Variants in ABCA6 observed in about 807,000 individuals in gnomAD.
ABCA6 encodes ATP-binding cassette sub-family A member 6.
In ABCA6, 164 loss-of-function variants were observed where a neutral mutation model predicts 191.2. That is an observed-to-expected ratio of 0.86 (90% CI 0.76 to 0.98). The LOEUF (loss-of-function observed/expected upper bound fraction) is 0.98. Ranked by LOEUF, ABCA6 falls within the 50% of genes least tolerant of loss-of-function variation. The probability of loss-of-function intolerance (pLI) is 0.00; values close to 1 mark genes in which losing one functional copy is unlikely to be tolerated. For synonymous variants in ABCA6, 636 were observed against 647.7 expected (o/e 0.98, Z 0.27); for missense variants, 1,958 against 1,894.1 (o/e 1.03, Z -0.63).
Position 69,085,022 on chromosome 17 carries a change from C to CTGTACTT in ABCA6, c.4184+5_4184+6insAAGTACA, listed in dbSNP as rs754263525. 1 of 1,607,252 alleles carries CTGTACTT rather than the reference C, an allele frequency of 6.2e-7. No homozygotes were observed. The highest frequency in any genetic ancestry group is 8.5e-7 in the Non-Finnish European group (1 of 1,178,214). ...GACACAAAGGAATCGCAGGTCCCGT[C>CTGTACTT]TGTACCTTGCGATGGCGAGCCTCGC... On this transcript the variant is annotated splice_donor_region_variant and intron_variant, in intron 32 of 38. Coordinates refer to ENST00000284425, the MANE Select transcript of ABCA6 (RefSeq NM_080284.3).
chr17:69,131,681 G>A, intron 6 of ABCA6, among the ~76,000 whole-genome samples: 1 of 152,072 alleles, frequency 6.6e-6, no homozygotes, highest in East Asian at 1.9e-4. Flanking sequence ...CCACTAGATA[G>A]CCTGCACTTA....
rs533501897 is a variant in ABCA6 at position 69,097,402 on chromosome 17, A to C, written c.3120+518T>G. Among the ~76,000 whole-genome samples, 4 of 152,244 alleles carry C rather than the reference A, an allele frequency of 2.6e-5. No individual in the cohort carries two copies. In the South Asian group the frequency reaches 8.3e-4, roughly 32 times the overall value. ...TGAGACTCCATCTCAAAAAAAAAAA[A>C]AAAAAAGTATTATTTTGTGACCTGG... On this transcript the variant is annotated intron_variant, in intron 23 of 38. Transcript: ENST00000284425.
intron 3 of ABCA6, among the ~76,000 whole-genome samples, chr17:69,136,695 C>A (rs954753757): frequency 2.6e-5 from 4 of 152,120 alleles, no homozygotes; most frequent in Non-Finnish European, 5.9e-5. Context: ...CCAGGAATTT[C>A]ACTTGTCAGG....
At chr17:69,130,136 T>C (rs1486842116) in intron 6 of ABCA6, among the ~76,000 whole-genome samples, 1 of 151,884 alleles carries the variant, frequency 6.6e-6, no homozygotes, top group Non-Finnish European at 1.5e-5. Context: ...ACCAACATGG[T>C]GAAACCCGTC....
At chr17:69,131,645 T>TA (rs2073863887) in intron 6 of ABCA6, among the ~76,000 whole-genome samples, 1 of 152,188 alleles carries the variant, frequency 6.6e-6, no homozygotes, top group Non-Finnish European at 1.5e-5. Flanking sequence ...ATTACATTGG[T>TA]AAAAAAATTG....
Position 69,106,184 on chromosome 17 carries a change from T to C in ABCA6, c.2417A>G (p.Asp806Gly), listed in dbSNP as rs950332106. 1.2e-6 allele frequency: 2 copies of C among 1,612,176 alleles called. No homozygotes were observed. Among genetic ancestry groups the C allele is most frequent in the African/African-American group, 2.7e-5 (2 of 74,750 alleles). The change falls in exon 19 of 39, where the codon GAC becomes GGC. Residue 806 changes from aspartate (D) to glycine (G), a missense_variant. By Grantham distance (94) the Asp-to-Gly change is moderately conservative (BLOSUM62 -1). Coordinates refer to ENST00000284425, the MANE Select transcript of ABCA6 (RefSeq NM_080284.3). ...QDFEQVEMIRDSESLNEMELA... is the reference protein window; with the variant it reads ...QDFEQVEMIRGSESLNEMELA... Reference sequence around the variant, plus strand: ...CTCCATTTCATTGAGGCTTTCTGAGTCTCTTATCATCTCCACTTGTTCGAA... The same window carrying C: ...CTCCATTTCATTGAGGCTTTCTGAGCCTCTTATCATCTCCACTTGTTCGAA...
In ABCA6 at chr17:69,113,372, G is replaced by T; in HGVS notation, c.1903-12C>A. The T allele has an allele frequency of 6.3e-7, 1 of 1,585,004 alleles. No individual in the cohort carries two copies. The highest frequency in any genetic ancestry group is 2.0e-5 in the Admixed American group (1 of 49,716). On this transcript the variant is annotated splice_polypyrimidine_tract_variant and intron_variant, in intron 14 of 38. Coordinates refer to ENST00000284425, the MANE Select transcript of ABCA6 (RefSeq NM_080284.3). Reference sequence around the variant, plus strand: ...TCTAAAAGCAAAATCTACAGAGAATGAAGATATATAAAATATGTCTCTCTT... The same window carrying T: ...TCTAAAAGCAAAATCTACAGAGAATTAAGATATATAAAATATGTCTCTCTT...
chr17:69,114,698 C>A, intron 13 of ABCA6, 64 bp downstream of exon 13: 1 of 1,435,220 alleles, frequency 7.0e-7, no homozygotes. Context: ...GAAGAGAATT[C>A]TGTGGTCATG....
chr17:69,105,843 C>T (rs2073289241), intron 19 of ABCA6, 185 bp downstream of exon 19: 1 of 746,250 alleles, frequency 1.3e-6, no homozygotes, highest in Non-Finnish European at 2.1e-6. Context: ...CAAAACACAC[C>T]TGCACGTATA....
Position 69,081,094 on chromosome 17 carries a change from T to C in ABCA6, c.4668A>G (p.Leu1556=), listed in dbSNP as rs2072621205. ...CTTCTAATTTGTGAAAGGTCTGTGA[T>C]AGAGGGTAAACGTCTGCCACGGGCA... ...YKLPVADVYP[L]SQTFHKLEAV... Residue 1556 remains leucine (L), a synonymous_variant, in exon 37 of 39, where the codon CTA becomes CTG. Coordinates refer to ENST00000284425, the MANE Select transcript of ABCA6 (RefSeq NM_080284.3). The C allele has an allele frequency of 6.2e-7, 1 of 1,605,676 alleles. No individual in the cohort carries two copies. Among genetic ancestry groups the C allele is most frequent in the African/African-American group, 1.3e-5 (1 of 74,772 alleles).
intron 24 of ABCA6, 89 bp from the exon 25 acceptor site, chr17:69,096,442 T>C: frequency 1.2e-6 from 1 of 852,840 alleles, no homozygotes; most frequent in East Asian, 3.0e-5. Context: ...ACAAGTAACC[T>C]GGCATAAGTA....
chr17:69,096,794 G>C lies in ABCA6; in HGVS notation c.3128C>G (p.Ala1043Gly), dbSNP rs776485754. 9 of 1,517,964 alleles carry C rather than the reference G, an allele frequency of 5.9e-6. No individual in the cohort carries two copies. The highest frequency in any genetic ancestry group is 7.9e-6 in the Non-Finnish European group (9 of 1,144,614). The allele number at this position is 1,517,964 out of a possible 1,614,324, so 94.0% of individuals were successfully genotyped here. Residue 1043 changes from alanine to glycine, a missense_variant, in exon 24 of 39, where the codon GCT becomes GGT. Physicochemically the swap from Ala to Gly is moderately conservative, Grantham distance 60. Transcript: ENST00000284425. ...MGSISDYKKNAKSQLWISGLY... is the reference protein window; with the variant it reads ...MGSISDYKKNGKSQLWISGLY... ...GCCTGAAATCCATAGCTGGGACTTA[G>C]CATTTTTCTGATTAAAAAAAAAAAG...
At chr17:69,085,951 G>T (rs1264518355) in intron 30 of ABCA6, among the ~76,000 whole-genome samples, 2 of 152,142 alleles carry the variant, frequency 1.3e-5, no homozygotes, top group Non-Finnish European at 2.9e-5. Context: ...TTTCCCCCCA[G>T]ATTACTTGTT....
At chr17:69,138,234 T>C (rs1361306698) in intron 2 of ABCA6, among the ~76,000 whole-genome samples, 1 of 152,144 alleles carries the variant, frequency 6.6e-6, no homozygotes, top group Non-Finnish European at 1.5e-5. Context: ...TGAATGATTG[T>C]GTGGAGAAGA....
At chr17:69,099,881 T>G (rs765176762) in intron 22 of ABCA6, among the ~76,000 whole-genome samples, 4 of 152,206 alleles carry the variant, frequency 2.6e-5, no homozygotes, top group Non-Finnish European at 5.9e-5. Flanking sequence ...CACCACTGAT[T>G]CAGTGAAGCC....
rs1453252480 is a variant in ABCA6, at chr17:69,117,937, CCTT to C, written c.1453_1455del (p.Lys485del). On this transcript the variant is annotated inframe_deletion, in exon 11 of 39. Coordinates refer to ENST00000284425, the MANE Select transcript of ABCA6 (RefSeq NM_080284.3). ...ACTTTTCCAGATTTTCCTTTATATTCCTTCTTAACATTTCTGATTCTGAAATAA... is the reference window on the plus strand; with the variant it reads ...ACTTTTCCAGATTTTCCTTTATATTCCTTAACATTTCTGATTCTGAAATAA... 6.3e-7 allele frequency: 1 copy of C among 1,591,346 alleles called. No homozygotes were observed. Among genetic ancestry groups the C allele is most frequent in the African/African-American group, 1.4e-5 (1 of 73,960 alleles).
intron 15 of ABCA6, 190 bp downstream of exon 15, chr17:69,113,032 T>C: frequency 2.0e-6 from 1 of 510,296 alleles, no homozygotes; most frequent in Non-Finnish European, 3.1e-6. Context: ...TTTCATTAGT[T>C]GTCACTACCT....
chr17:69,126,542 C>T (rs964951078), intron 8 of ABCA6, among the ~76,000 whole-genome samples: 1 of 151,632 alleles, frequency 6.6e-6, no homozygotes, highest in African/African-American at 2.4e-5. Context: ...TAGTTACTTG[C>T]GAGGCCGAGG....
intron 2 of ABCA6, among the ~76,000 whole-genome samples, chr17:69,139,956 G>A (rs111773252): frequency 7.0e-6 from 1 of 143,398 alleles, no homozygotes; most frequent in African/African-American, 2.6e-5. Flanking sequence ...GTGGGATGGG[G>A]GGAGGGGGGA....
Sources: gnomAD v4.1 joint callset for allele counts (sites outside exome capture counted in the v4.1 genomes callset) on GRCh38, gnomAD v4.1.1 for gene constraint, MANE v1.5 for transcripts, NCBI Gene and HGNC (gene_info 2026-07-23, HGNC 2026-07-21) for gene names.